Variants in NAV3 observed in about 807,000 individuals in gnomAD.
NAV3 encodes the protein pore membrane and/or filament interacting like protein 1.
NAV3 carries 87 observed loss-of-function variants against 244.7 expected under a neutral mutation model. That is an observed-to-expected ratio of 0.36 (90% CI 0.30 to 0.42). The LOEUF is 0.42. NAV3 is among the 20% of genes least tolerant of loss of function. The pLI, the probability that NAV3 is intolerant of heterozygous loss-of-function variation, is 1.00. For synonymous variants in NAV3, 1,126 were observed against 1,042.2 expected (o/e 1.08, Z -1.55); for missense variants, 2,663 against 2,893.3 (o/e 0.92, Z 1.83).
chr12:77,896,854 A>T (rs1041128373), intron 1 of NAV3, among the ~76,000 whole-genome samples: 2 of 152,106 alleles, frequency 1.3e-5, no homozygotes, highest in Non-Finnish European at 2.9e-5. Flanking sequence ...TTCCATGTAG[A>T]CTTTAAACTG....
At chr12:77,825,631 C>T (rs971899102) in intron 2 of NAV3, among the ~76,000 whole-genome samples, 1 of 152,074 alleles carries the variant, frequency 6.6e-6, no homozygotes. Context: ...AAAGATGACA[C>T]TAGACACTAA....
intron 2 of NAV3, among the ~76,000 whole-genome samples, chr12:77,763,442 C>T (rs1489748067): frequency 1.3e-5 from 2 of 152,030 alleles, no homozygotes; most frequent in African/African-American, 4.8e-5. Flanking sequence ...CTGCTGCAAC[C>T]CTTGCTGCCC....
chr12:77,732,692 T>C (rs1312383286), intron 2 of NAV3, among the ~76,000 whole-genome samples: 2 of 151,974 alleles, frequency 1.3e-5, no homozygotes, highest in Non-Finnish European at 2.9e-5. Flanking sequence ...GCACATATAG[T>C]TTAACTGGCA....
intron 30 of NAV3, 90 bp downstream of exon 30, chr12:78,181,135 TA>T: frequency 3.4e-6 from 4 of 1,159,816 alleles, no homozygotes; most frequent in Non-Finnish European, 3.7e-6. Context: ...TACGTACTCT[TA>T]AAAATGTTAC....
At chr12:77,757,764 G>A (rs528208110) in intron 2 of NAV3, among the ~76,000 whole-genome samples, 1 of 152,264 alleles carries the variant, frequency 6.6e-6, no homozygotes, top group South Asian at 2.1e-4. Flanking sequence ...TTTCTTGGAT[G>A]TTTAGTTTCC....
At chr12:78,175,209 C>G (rs2139643341) in intron 24 of NAV3, 97 bp from the exon 25 acceptor site, 1 of 1,361,142 alleles carries the variant, frequency 7.3e-7, no homozygotes, top group Non-Finnish European at 1.0e-6. Flanking sequence ...CCTTGTTGAC[C>G]TTTATTAGAG....
chr12:77,834,176 C>T (rs1257520897), intron 1 of NAV3, among the ~76,000 whole-genome samples: 1 of 152,134 alleles, frequency 6.6e-6, no homozygotes, highest in Admixed American at 6.5e-5. Flanking sequence ...CTCACTAGGT[C>T]CATGGGCACA....
At chr12:77,964,913 A>G (rs1245919422) in intron 3 of NAV3, among the ~76,000 whole-genome samples, 1 of 152,168 alleles carries the variant, frequency 6.6e-6, no homozygotes, top group East Asian at 1.9e-4. Context: ...TTAAAGGAAC[A>G]TAAATAGTTT....
At chr12:78,210,359 G>A (rs1164357536) in intron 39 of NAV3, 39 bp from the exon 40 acceptor site, 1 of 1,612,358 alleles carries the variant, frequency 6.2e-7, no homozygotes, top group South Asian at 1.1e-5. Flanking sequence ...CTTACTCAAT[G>A]CATCATTGCC....
At chr12:77,848,075 C>T (rs1876923909) in intron 1 of NAV3, among the ~76,000 whole-genome samples, 1 of 152,184 alleles carries the variant, frequency 6.6e-6, no homozygotes, top group Non-Finnish European at 1.5e-5. Flanking sequence ...ATTTACAGAA[C>T]ACCTATAAAA....
intron 1 of NAV3, among the ~76,000 whole-genome samples, chr12:77,857,446 T>C (rs1366924273): frequency 2.0e-5 from 3 of 151,964 alleles, no homozygotes; most frequent in South Asian, 2.1e-4. Flanking sequence ...TTTTAAATTA[T>C]TAAAAAAATC....
intron 2 of NAV3, among the ~76,000 whole-genome samples, chr12:77,794,671 G>A (rs555392052): frequency 6.6e-6 from 1 of 152,264 alleles, no homozygotes; most frequent in African/African-American, 2.4e-5. Context: ...ATCTATGGGT[G>A]CCATTTTTCA....
At chr12:77,948,751 A>T (rs1340952945) in intron 3 of NAV3, among the ~76,000 whole-genome samples, 1 of 143,462 alleles carries the variant, frequency 7.0e-6, no homozygotes, top group Non-Finnish European at 1.5e-5. Flanking sequence ...TAACAGTAGG[A>T]TAATTTTAAC....
chr12:77,680,079 G>A (rs1460126725), intron 2 of NAV3, among the ~76,000 whole-genome samples: 1 of 152,168 alleles, frequency 6.6e-6, no homozygotes, highest in Non-Finnish European at 1.5e-5. Context: ...ATTGCATGGT[G>A]TTATACTGAG....
intron 5 of NAV3, among the ~76,000 whole-genome samples, chr12:77,972,037 G>C (rs1893038750): frequency 6.6e-6 from 1 of 152,140 alleles, no homozygotes; most frequent in African/African-American, 2.4e-5. Flanking sequence ...AGGTTAACAA[G>C]TGAAATATAC....
intron 12 of NAV3, among the ~76,000 whole-genome samples, chr12:78,112,543 G>A (rs1456267043): frequency 6.6e-6 from 1 of 152,098 alleles, no homozygotes; most frequent in Non-Finnish European, 1.5e-5. Flanking sequence ...AGGATAATGA[G>A]TAAAAGGGGG....
At chr12:77,813,874 T>A (rs1385322458) in intron 2 of NAV3, among the ~76,000 whole-genome samples, 1 of 152,190 alleles carries the variant, frequency 6.6e-6, no homozygotes, top group East Asian at 1.9e-4. Flanking sequence ...AGTATGGTTT[T>A]CTTGCATCTA....
At chr12:77,820,884 C>G (rs1389473434) in intron 2 of NAV3, among the ~76,000 whole-genome samples, 1 of 152,116 alleles carries the variant, frequency 6.6e-6, no homozygotes, top group Admixed American at 6.6e-5. Context: ...AGACCCAGCA[C>G]TGAATAAATT....
At chr12:78,139,253 T>A (rs1956503514) in intron 19 of NAV3, among the ~76,000 whole-genome samples, 1 of 152,100 alleles carries the variant, frequency 6.6e-6, no homozygotes. Flanking sequence ...ATCCTTCAAT[T>A]CCATCCCCAT....
Sources: allele counts gnomAD v4.1 joint callset (sites outside exome capture counted in the v4.1 genomes callset), GRCh38; gene constraint gnomAD v4.1.1; transcripts MANE v1.5; gene names NCBI Gene and HGNC (gene_info 2026-07-23, HGNC 2026-07-21).